The following AFAP1L2 variants were observed in gnomAD, a reference collection of about 807,000 sequenced individuals.
AFAP1L2 encodes actin filament-associated protein 1-like 2.
AFAP1L2 carries 46 observed loss-of-function variants against 99.3 expected under a neutral mutation model. The observed-to-expected ratio is 0.46, with a 90% CI of 0.37 to 0.59. AFAP1L2 has a LOEUF of 0.59. AFAP1L2 is among the 20% of genes least tolerant of loss of function. The pLI is 0.00. For synonymous variants in AFAP1L2, 397 were observed against 419.1 expected (o/e 0.95, Z 0.64); for missense variants, 959 against 1,034.9 (o/e 0.93, Z 1.01).
chr10:114,301,251 A>C (rs539040130), intron 13 of AFAP1L2, 103 bp downstream of exon 13: 16 of 950,736 alleles, frequency 1.7e-5, no homozygotes, highest in Non-Finnish European at 2.4e-5. Flanking sequence ...GAACCCACTC[A>C]TCTCATCTCA....
intron 1 of AFAP1L2, among the ~76,000 whole-genome samples, chr10:114,391,008 A>T (rs2057081921): frequency 6.6e-6 from 1 of 152,052 alleles, no homozygotes; most frequent in African/African-American, 2.4e-5. Context: ...ATGTACATTC[A>T]TGCCTTTTTC....
At chr10:114,291,941 G>A (rs551723661), downstream of AFAP1L2, among the ~76,000 whole-genome samples, 1 of 152,244 alleles carries the variant, frequency 6.6e-6, no homozygotes, top group East Asian at 1.9e-4. Flanking sequence ...ACGTAAAATC[G>A]TTCTGAGTCG....
chr10:114,300,802 A>G (rs1474803443), intron 13 of AFAP1L2, 112 bp from the exon 14 acceptor site: 1 of 1,421,634 alleles, frequency 7.0e-7, no homozygotes, highest in Non-Finnish European at 9.5e-7. Flanking sequence ...GTGTTCCAAG[A>G]GATCTCCCTC....
In AFAP1L2 at chr10:114,316,975, A is replaced by G. The variant is rs189056344; in HGVS notation, c.407-1210T>C. Among the ~76,000 whole-genome samples the G allele has an allele frequency of 3.8e-3, 579 of 152,276 alleles. 1 individual carries two copies. Among genetic ancestry groups the G allele is most frequent in the African/African-American group, 0.013 (547 of 41,554 alleles). On this transcript the variant is annotated intron_variant, in intron 5 of 18. Transcript: ENST00000304129. ...AATGGACTCAGCATCTATTTCCCTG[A>G]CTTCCGCATGGCAGTCCTTGTTCTG...
chr10:114,313,297 G>A (rs1590060591), intron 7 of AFAP1L2, among the ~76,000 whole-genome samples: 1 of 152,272 alleles, frequency 6.6e-6, no homozygotes, highest in African/African-American at 2.4e-5. Context: ...AGGCAAGCAA[G>A]CCCCTCCCCA....
Position 114,295,742 on chromosome 10 carries a change from A to G in AFAP1L2, c.*300T>C. On this transcript the variant is annotated 3_prime_UTR_variant, in exon 19 of 19. Transcript: ENST00000304129. Reference sequence around the variant, plus strand: ...GAGGTTTTCACTATTTAAAAATCTTAGTAAAGCAATTGATGACAACTTCAA... The same window carrying G: ...GAGGTTTTCACTATTTAAAAATCTTGGTAAAGCAATTGATGACAACTTCAA... 3.5e-6 allele frequency: 4 copies of G among 1,131,666 alleles called. No individual in the cohort carries two copies. The highest frequency in any genetic ancestry group is 4.3e-6 in the Non-Finnish European group (4 of 922,690). The allele number at this position is 1,131,666 out of a possible 1,614,324, so 70.1% of individuals were successfully genotyped here. A position where few individuals can be genotyped will look rare whatever the true frequency, so the allele number is the denominator to read the frequency against.
chr10:114,280,914 A>T, the AFAP1L2 span: 2 of 151,190 alleles, frequency 1.3e-5, no homozygotes, highest in African/African-American at 2.4e-5. Context: ...AATTTTTAAG[A>T]TTTTTTTTTA....
rs996262304 is a variant in AFAP1L2, at chr10:114,315,452, C to T, written c.612+108G>A. 6.1e-6 allele frequency: 7 copies of T among 1,145,492 alleles called. No homozygotes were observed. In the African/African-American group the frequency reaches 9.3e-5, roughly 15 times the overall value. The allele number at this position is 1,145,492 out of a possible 1,614,324, so 71.0% of individuals were successfully genotyped here. A position where few individuals can be genotyped will look rare whatever the true frequency, so the allele number is the denominator to read the frequency against. On this transcript the variant is annotated intron_variant, in intron 6 of 18. Coordinates refer to ENST00000304129, the MANE Select transcript of AFAP1L2 (RefSeq NM_001001936.3). ...AGAAGTTAAAATCTCCTGACATAAACAAGCTCGAAACCTCTGAGGTCAGGG... is the reference window on the plus strand; with the variant it reads ...AGAAGTTAAAATCTCCTGACATAAATAAGCTCGAAACCTCTGAGGTCAGGG...
At position 114,302,450 on chromosome 10, in the gene AFAP1L2, C is replaced by T; in HGVS notation, c.1319G>A (p.Gly440Asp). The change falls in exon 12 of 19, where the codon GGT becomes GAT. Residue 440 changes from glycine to aspartate, a missense_variant. Transcript: ENST00000304129. ...KSSEEMGHWL[G>D]LLLSESGSKT... The stretch of plus-strand genomic sequence containing the variant: ...GGAGCCTGACTCAGAGAGCAGGAGA[C>T]CCAGCCAGTGGCCCATTTCCTCGGA... 5 of 1,614,130 alleles carry T rather than the reference C, an allele frequency of 3.1e-6. No individual in the cohort carries two copies. The highest frequency in any genetic ancestry group is 2.2e-5 in the South Asian group (2 of 91,090).
At chr10:114,327,808 G>A (rs1427433959) in intron 4 of AFAP1L2, among the ~76,000 whole-genome samples, 3 of 152,240 alleles carry the variant, frequency 2.0e-5, no homozygotes, top group Admixed American at 6.5e-5. Flanking sequence ...CTAGACACAA[G>A]AGCTGATGAG....
At chr10:114,283,504 G>A in the AFAP1L2 span, among the ~76,000 whole-genome samples, 1 of 152,310 alleles carries the variant, frequency 6.6e-6, no homozygotes, top group South Asian at 2.1e-4. Context: ...GAGAATCTGA[G>A]AGTGGAGCTG....
chr10:114,390,373 T>C (rs1018680871), intron 1 of AFAP1L2, among the ~76,000 whole-genome samples: 5 of 152,166 alleles, frequency 3.3e-5, no homozygotes, highest in Admixed American at 2.0e-4. Flanking sequence ...TATGGACCCA[T>C]GCAGACATCT....
At chr10:114,349,383 C>CAAAAAAAAA (rs113553514) in intron 1 of AFAP1L2, among the ~76,000 whole-genome samples, 1 of 86,234 alleles carries the variant, frequency 1.2e-5, no homozygotes, top group African/African-American at 4.8e-5. Context: ...AACTCGGTCT[C>CAAAAAAAAA]AAAAAAAAAA....
At chr10:114,360,119 A>G (rs1028663343) in intron 1 of AFAP1L2, among the ~76,000 whole-genome samples, 3 of 149,008 alleles carry the variant, frequency 2.0e-5, no homozygotes, top group Non-Finnish European at 4.4e-5. Context: ...AGACTGAGGA[A>G]AGCAGATGGC....
upstream of AFAP1L2, chr10:114,404,901 G>A (rs1397450623): frequency 1.8e-5 from 3 of 164,198 alleles, no homozygotes; most frequent in Admixed American, 1.3e-4. Flanking sequence ...CCAATGCCTG[G>A]AGGAGGAGAC....
chr10:114,351,575 G>A (rs913616216), intron 1 of AFAP1L2, among the ~76,000 whole-genome samples: 1 of 152,160 alleles, frequency 6.6e-6, no homozygotes, highest in East Asian at 1.9e-4. Flanking sequence ...AGTCAACCGG[G>A]GGGAGGCACG....
intron 6 of AFAP1L2, among the ~76,000 whole-genome samples, chr10:114,314,828 T>C (rs2043853954): frequency 1.3e-5 from 2 of 152,192 alleles, no homozygotes; most frequent in African/African-American, 4.8e-5. Context: ...ATACCTAGCA[T>C]TCTCATGCTG....
At chr10:114,291,619 A>T (rs77934399), downstream of AFAP1L2, 2,446 of 206,722 alleles carry the variant, frequency 0.012, 122 homozygotes, top group Admixed American at 0.11. Context: ...TTTGCACACA[A>T]TCAATGCTCG....
chr10:114,392,667 A>G (rs937680703), intron 1 of AFAP1L2, among the ~76,000 whole-genome samples: 1 of 152,200 alleles, frequency 6.6e-6, no homozygotes, highest in Admixed American at 6.5e-5. Flanking sequence ...AACCATTTTC[A>G]CACTCATAAT....
Sources: allele counts gnomAD v4.1 joint callset (sites outside exome capture counted in the v4.1 genomes callset), GRCh38; gene constraint gnomAD v4.1.1; transcripts MANE v1.5; gene names NCBI Gene and HGNC (gene_info 2026-07-23, HGNC 2026-07-21).